ENOX1: variants seen among roughly 807,000 people sequenced by gnomAD.
ENOX1 encodes candidate growth-related and time keeping constitutive hydroquinone (NADH) oxidase.
In ENOX1, 42 loss-of-function variants were observed where a neutral mutation model predicts 82.5. That is an observed-to-expected ratio of 0.51 (90% CI 0.40 to 0.66). ENOX1 has a LOEUF of 0.66. ENOX1 is among the 30% of genes least tolerant of loss of function. ENOX1 has a pLI of 0.00. For missense variants in ENOX1, 608 were observed against 811.6 expected (o/e 0.75, Z 3.05); for synonymous variants, 271 against 282.2 (o/e 0.96, Z 0.40).
At chr13:43,617,322 A>T (rs2082525571) in intron 2 of ENOX1, among the ~76,000 whole-genome samples, 1 of 152,210 alleles carries the variant, frequency 6.6e-6, no homozygotes, top group Non-Finnish European at 1.5e-5. Flanking sequence ...TGTCCTGAGG[A>T]CAAATCCCTG....
chr13:43,369,911 C>T (rs1433482691), intron 5 of ENOX1, among the ~76,000 whole-genome samples: 1 of 152,206 alleles, frequency 6.6e-6, no homozygotes, highest in Non-Finnish European at 1.5e-5. Flanking sequence ...GGAGGTGACA[C>T]ATGGAGCATG....
chr13:43,755,362 C>G (rs1443027672), intron 1 of ENOX1, among the ~76,000 whole-genome samples: 1 of 152,064 alleles, frequency 6.6e-6, no homozygotes, highest in African/African-American at 2.4e-5. Context: ...GTCAAAATTC[C>G]CTAACCTGCT....
intron 5 of ENOX1, among the ~76,000 whole-genome samples, chr13:43,404,777 G>A (rs78743130): frequency 0.013 from 2,028 of 152,266 alleles, 38 homozygotes; most frequent in African/African-American, 0.045. Flanking sequence ...TAATGTCCTG[G>A]GGAAGAAAGG....
intron 1 of ENOX1, among the ~76,000 whole-genome samples, chr13:43,698,955 CT>C (rs532293337): frequency 4.9e-4 from 75 of 152,324 alleles, no homozygotes; most frequent in African/African-American, 1.8e-3. Context: ...GCAAGACTCT[CT>C]TTGGCACTGA....
intron 3 of ENOX1, among the ~76,000 whole-genome samples, chr13:43,430,286 T>G (rs960707279): frequency 6.6e-6 from 1 of 152,176 alleles, no homozygotes; most frequent in Non-Finnish European, 1.5e-5. Context: ...CAGCTACTAG[T>G]AATCAACAAA....
chr13:43,469,919 T>C (rs1195348743), intron 3 of ENOX1, among the ~76,000 whole-genome samples: 1 of 151,818 alleles, frequency 6.6e-6, no homozygotes, highest in African/African-American at 2.4e-5. Context: ...CACTGATATA[T>C]AAAGAGCTAC....
In ENOX1 at chr13:43,518,609, C is replaced by T. The variant is rs1032370725; in HGVS notation, c.-218-34457G>A. On this transcript the variant is annotated intron_variant, in intron 2 of 16. Transcript: ENST00000690772. Reference sequence around the variant, plus strand: ...TGACCAGATTTCCAGACTTGTATCACTAGATTCCCAAATTTTGTTCATGCA... The same window carrying T: ...TGACCAGATTTCCAGACTTGTATCATTAGATTCCCAAATTTTGTTCATGCA... Among the ~76,000 whole-genome samples the T allele has an allele frequency of 5.3e-5, 8 of 152,198 alleles. No individual in the cohort carries two copies. In the South Asian group the frequency reaches 1.5e-3, roughly 28 times the overall value.
intron 2 of ENOX1, among the ~76,000 whole-genome samples, chr13:43,665,491 A>C (rs1319066067): frequency 3.3e-5 from 5 of 152,164 alleles, no homozygotes; most frequent in Non-Finnish European, 7.4e-5. Context: ...TTAGAGATTA[A>C]AGCCAGAGAA....
chr13:43,482,973 G>A (rs2058564463), intron 3 of ENOX1, among the ~76,000 whole-genome samples: 2 of 152,194 alleles, frequency 1.3e-5, no homozygotes, highest in African/African-American at 2.4e-5. Context: ...GCCCAACAGC[G>A]AAGGGTACAG....
chr13:43,224,215 C>A, intron 15 of ENOX1, 77 bp from the exon 16 acceptor site: 1 of 1,160,538 alleles, frequency 8.6e-7, no homozygotes, highest in East Asian at 2.5e-5. Context: ...TGTCTAATCC[C>A]AGTGACTATT....
chr13:43,782,009 T>C (rs577599333), intron 1 of ENOX1, among the ~76,000 whole-genome samples: 3 of 152,326 alleles, frequency 2.0e-5, no homozygotes, highest in South Asian at 2.1e-4. Context: ...CAGGTTATAA[T>C]AGCAGAAGCT....
chr13:43,593,669 TACACACACACACACACAC>T (rs58120566), intron 2 of ENOX1, among the ~76,000 whole-genome samples: 1,920 of 69,230 alleles, frequency 0.028, 181 homozygotes, highest in African/African-American at 0.096. Context: ...CCAATCTCTG[TACACACACACACACACAC>T]ACACACACAC....
intron 1 of ENOX1, among the ~76,000 whole-genome samples, chr13:43,766,045 T>C (rs1951242849): frequency 6.6e-6 from 1 of 152,222 alleles, no homozygotes; most frequent in Non-Finnish European, 1.5e-5. Context: ...TTAGTCATTT[T>C]ATATGTGCTT....
intron 15 of ENOX1, among the ~76,000 whole-genome samples, chr13:43,231,673 C>CT (rs1242821627): frequency 3.3e-5 from 5 of 152,184 alleles, no homozygotes; most frequent in Non-Finnish European, 7.3e-5. Flanking sequence ...CTCAGCTGTC[C>CT]TTTCTTCTGA....
At chr13:43,687,614 GGA>G (rs1180886743) in intron 1 of ENOX1, among the ~76,000 whole-genome samples, 1 of 152,110 alleles carries the variant, frequency 6.6e-6, no homozygotes. Flanking sequence ...TTAAGTTGCA[GGA>G]GAGAGAGGAG....
intron 3 of ENOX1, among the ~76,000 whole-genome samples, chr13:43,463,787 G>A (rs2057596362): frequency 6.6e-6 from 1 of 152,064 alleles, no homozygotes; most frequent in Non-Finnish European, 1.5e-5. Flanking sequence ...TTATTAAAAC[G>A]TTGAATTTGT....
intron 12 of ENOX1, among the ~76,000 whole-genome samples, chr13:43,283,809 A>G (rs2045541557): frequency 6.6e-6 from 1 of 151,920 alleles, no homozygotes; most frequent in South Asian, 2.1e-4. Flanking sequence ...TTTTTTCCTA[A>G]AACAAAGTTT....
chr13:43,682,539 A>C (rs981707886), intron 1 of ENOX1, among the ~76,000 whole-genome samples: 1 of 152,086 alleles, frequency 6.6e-6, no homozygotes, highest in Non-Finnish European at 1.5e-5. Flanking sequence ...GCTGGCCACC[A>C]TGGGTGGTGG....
At chr13:43,612,888 T>C (rs997545684) in intron 2 of ENOX1, among the ~76,000 whole-genome samples, 1 of 152,062 alleles carries the variant, frequency 6.6e-6, no homozygotes, top group African/African-American at 2.4e-5. Flanking sequence ...AAAATGTATT[T>C]GATACACAGT....
Sources: gnomAD v4.1 joint callset for allele counts (sites outside exome capture counted in the v4.1 genomes callset) on GRCh38, gnomAD v4.1.1 for gene constraint, MANE v1.5 for transcripts, NCBI Gene and HGNC (gene_info 2026-07-23, HGNC 2026-07-21) for gene names.